The following BBS9 variants were observed in gnomAD, a reference collection of about 807,000 sequenced individuals.
BBS9 encodes Bardet-Biedl syndrome 9, also known as protein PTHB1.
In BBS9, 89 loss-of-function variants were observed where a neutral mutation model predicts 117.7. The ratio of observed to expected loss-of-function variants is 0.76; its 90% CI spans 0.64 to 0.90. The LOEUF (loss-of-function observed/expected upper bound fraction) is 0.90. Ranked by LOEUF, BBS9 falls within the 40% of genes least tolerant of loss-of-function variation. The probability of loss-of-function intolerance (pLI) is 0.00; values close to 1 mark genes in which losing one functional copy is unlikely to be tolerated. For missense variants in BBS9, 982 were observed against 1,042.2 expected (o/e 0.94, Z 0.80); for synonymous variants, 379 against 370.9 (o/e 1.02, Z -0.25).
At chr7:33,374,162 C>T (rs189449049) in intron 17 of BBS9, among the ~76,000 whole-genome samples, 41 of 152,066 alleles carry the variant, frequency 2.7e-4, no homozygotes, top group African/African-American at 9.6e-4. Context: ...GATTGAAACT[C>T]GATAGAAATT....
chr7:33,421,551 AT>A (rs1192873238), intron 19 of BBS9, among the ~76,000 whole-genome samples: 1 of 152,180 alleles, frequency 6.6e-6, no homozygotes, highest in Non-Finnish European at 1.5e-5. Flanking sequence ...TTTATTGATC[AT>A]TTTGTACAGA....
At chr7:33,626,399 G>A (rs917864895) in intron 21 of BBS9, among the ~76,000 whole-genome samples, 1 of 152,184 alleles carries the variant, frequency 6.6e-6, no homozygotes, top group African/African-American at 2.4e-5. Context: ...ACCAGGAATG[G>A]GGCATTGCCA....
intron 21 of BBS9, among the ~76,000 whole-genome samples, chr7:33,562,769 C>G (rs1290076430): frequency 6.6e-6 from 1 of 151,962 alleles, no homozygotes; most frequent in Non-Finnish European, 1.5e-5. Flanking sequence ...ACTAAAAATA[C>G]AAAAATTAGC....
At chr7:33,590,727 C>T (rs1473059553) in intron 21 of BBS9, among the ~76,000 whole-genome samples, 1 of 151,744 alleles carries the variant, frequency 6.6e-6, no homozygotes, top group Non-Finnish European at 1.5e-5. Flanking sequence ...GAGTCAGGCA[C>T]CATTTGAAGC....
At chr7:33,357,676 AAAT>A (rs1819853325) in intron 15 of BBS9, 176 bp from the exon 16 acceptor site, 2 of 723,124 alleles carry the variant, frequency 2.8e-6, no homozygotes. Context: ...TACCTTTTGA[AAAT>A]AGTAATGAAA....
chr7:33,451,076 G>A (rs1837769571), intron 19 of BBS9, among the ~76,000 whole-genome samples: 1 of 151,988 alleles, frequency 6.6e-6, no homozygotes, highest in East Asian at 1.9e-4. Context: ...TTTTAGTAGA[G>A]ACGGGGTTTC....
intron 19 of BBS9, among the ~76,000 whole-genome samples, chr7:33,392,445 G>A (rs903426288): frequency 1.3e-5 from 2 of 152,138 alleles, no homozygotes; most frequent in Non-Finnish European, 2.9e-5. Flanking sequence ...GGCCCAGCAG[G>A]CTAGGCTGGG....
intron 9 of BBS9, among the ~76,000 whole-genome samples, chr7:33,280,362 G>T (rs1391019857): frequency 1.3e-5 from 2 of 152,012 alleles, no homozygotes; most frequent in Non-Finnish European, 2.9e-5. Flanking sequence ...AGTGTCTGTT[G>T]TTCCCATGTT....
At chr7:33,515,660 C>T (rs914104489) in intron 20 of BBS9, among the ~76,000 whole-genome samples, 1 of 152,206 alleles carries the variant, frequency 6.6e-6, no homozygotes, top group Non-Finnish European at 1.5e-5. Flanking sequence ...TAAACCACAT[C>T]TATTTCAGGG....
At chr7:33,542,781 A>C (rs973891428) in intron 21 of BBS9, among the ~76,000 whole-genome samples, 1 of 136,728 alleles carries the variant, frequency 7.3e-6, no homozygotes, top group Non-Finnish European at 1.6e-5. Flanking sequence ...GAGTATATAT[A>C]TATATATGTA....
intron 10 of BBS9, among the ~76,000 whole-genome samples, chr7:33,336,929 C>T (rs891537568): frequency 5.9e-5 from 9 of 152,012 alleles, no homozygotes; most frequent in African/African-American, 2.2e-4. Flanking sequence ...TGGTTTTAGG[C>T]CTTGAGAAGA....
chr7:33,233,306 A>C (rs1344055911), intron 5 of BBS9, among the ~76,000 whole-genome samples: 1 of 151,492 alleles, frequency 6.6e-6, no homozygotes, highest in Non-Finnish European at 1.5e-5. Flanking sequence ...TGCAATTTTG[A>C]ATGATTTCAA....
chr7:33,182,803 G>T (rs1034016984), intron 5 of BBS9, among the ~76,000 whole-genome samples: 2 of 152,068 alleles, frequency 1.3e-5, no homozygotes, highest in Admixed American at 1.3e-4. Context: ...TCCCTTTAAA[G>T]CATTCAGTTT....
intron 19 of BBS9, among the ~76,000 whole-genome samples, chr7:33,472,835 T>A (rs1841246978): frequency 6.6e-6 from 1 of 152,232 alleles, no homozygotes; most frequent in Non-Finnish European, 1.5e-5. Flanking sequence ...TTTGTGGAAC[T>A]TGCCACATGA....
chr7:33,631,602 A>G (rs1175620354), intron 21 of BBS9, among the ~76,000 whole-genome samples: 1 of 152,156 alleles, frequency 6.6e-6, no homozygotes, highest in Non-Finnish European at 1.5e-5. Flanking sequence ...TGGCCATCTG[A>G]ATCCAATTTT....
chr7:33,584,010 T>C (rs1028085197), intron 21 of BBS9, among the ~76,000 whole-genome samples: 3 of 152,072 alleles, frequency 2.0e-5, no homozygotes, highest in African/African-American at 2.4e-5. Flanking sequence ...ATCATAGTTA[T>C]TCTTTAAGCT....
intron 5 of BBS9, among the ~76,000 whole-genome samples, chr7:33,218,942 G>A (rs867062989): frequency 1.1e-4 from 17 of 152,232 alleles, no homozygotes; most frequent in Non-Finnish European, 2.2e-4. Context: ...CAAGGCCAGA[G>A]CTGGCTCCCT....
At chr7:33,406,009 G>A (rs1156405073) in intron 19 of BBS9, among the ~76,000 whole-genome samples, 2 of 151,950 alleles carry the variant, frequency 1.3e-5, no homozygotes, top group Admixed American at 6.6e-5. Flanking sequence ...TCTACACACT[G>A]CTTTGAATGC....
intron 20 of BBS9, among the ~76,000 whole-genome samples, chr7:33,516,373 C>T (rs1349894956): frequency 1.3e-5 from 2 of 151,048 alleles, no homozygotes; most frequent in Non-Finnish European, 1.5e-5. Context: ...CCTGTAATCC[C>T]AGCTACTTGG....
Sources: allele counts gnomAD v4.1 joint callset (sites outside exome capture counted in the v4.1 genomes callset), GRCh38; gene constraint gnomAD v4.1.1; transcripts MANE v1.5; gene names NCBI Gene and HGNC (gene_info 2026-07-23, HGNC 2026-07-21).